TLL1: variants seen among roughly 807,000 people sequenced by gnomAD.
TLL1 encodes the protein tolloid-like protein 1.
TLL1 carries 49 observed loss-of-function variants against 128.2 expected under a neutral mutation model. The ratio of observed to expected loss-of-function variants is 0.38; its 90% CI spans 0.30 to 0.48. The LOEUF is 0.48. Among genes scored for constraint, TLL1 ranks in the 20% least tolerant of loss-of-function variants. TLL1 has a pLI of 0.96. For missense variants in TLL1, 1,123 were observed against 1,242.0 expected (o/e 0.90, Z 1.44); for synonymous variants, 454 against 418.8 (o/e 1.08, Z -1.03).
intron 5 of TLL1, among the ~76,000 whole-genome samples, chr4:165,996,632 A>G (rs1736891799): frequency 1.3e-5 from 2 of 150,098 alleles, no homozygotes; most frequent in Admixed American, 1.3e-4. Flanking sequence ...ACAAACAAAC[A>G]TTATGTAAGT....
chr4:165,929,339 C>T (rs924696293), intron 1 of TLL1, among the ~76,000 whole-genome samples: 1 of 152,110 alleles, frequency 6.6e-6, no homozygotes, highest in Non-Finnish European at 1.5e-5. Flanking sequence ...GAGATCAAGA[C>T]CATCCTGGCC....
intron 1 of TLL1, among the ~76,000 whole-genome samples, chr4:165,960,140 C>T (rs1301479651): frequency 6.6e-6 from 1 of 151,922 alleles, no homozygotes; most frequent in Non-Finnish European, 1.5e-5. Context: ...TTAGAAATGA[C>T]AAAATGATAT....
At chr4:165,995,242 G>T (rs77635855) in intron 5 of TLL1, 64 bp downstream of exon 5, 1 of 1,140,046 alleles carries the variant, frequency 8.8e-7, no homozygotes, top group African/African-American at 1.5e-5. Context: ...ACAATTAAAT[G>T]TCCATAGGTA....
intron 14 of TLL1, among the ~76,000 whole-genome samples, chr4:166,059,492 T>C (rs990567792): frequency 1.1e-4 from 17 of 152,274 alleles, no homozygotes; most frequent in African/African-American, 3.4e-4. Context: ...TTTACCATAA[T>C]TTATCTTGTC....
chr4:165,888,554 AT>A (rs35285663), intron 1 of TLL1, among the ~76,000 whole-genome samples: 2,516 of 146,640 alleles, frequency 0.017, 58 homozygotes, highest in African/African-American at 0.057. Flanking sequence ...ACTGGAAAAT[AT>A]TTTTTTTTTT....
chr4:165,880,242 C>T (rs1350158642), intron 1 of TLL1, among the ~76,000 whole-genome samples: 1 of 152,138 alleles, frequency 6.6e-6, no homozygotes, highest in African/African-American at 2.4e-5. Context: ...TAATGGACTG[C>T]TAGTTTTGTC....
intron 1 of TLL1, among the ~76,000 whole-genome samples, chr4:165,969,945 A>G (rs1340334619): frequency 6.6e-6 from 1 of 152,128 alleles, no homozygotes; most frequent in African/African-American, 2.4e-5. Context: ...GTAACGTTGT[A>G]TGTGTAATTT....
At position 166,003,731 on chromosome 4, in the gene TLL1, T is replaced by C. The variant is rs201228468; in HGVS notation, c.811+162T>C. Among the ~76,000 whole-genome samples the C allele has an allele frequency of 1.2e-4, 18 of 152,262 alleles. No individual in the cohort carries two copies. In the East Asian group the frequency reaches 3.3e-3, roughly 28 times the overall value. ...AAATCACCCATGATGATTTTATATTTTATTTTATTTTTCCTGGAGACTGTG... is the reference window on the plus strand; with the variant it reads ...AAATCACCCATGATGATTTTATATTCTATTTTATTTTTCCTGGAGACTGTG... On this transcript the variant is annotated intron_variant, in intron 6 of 20. Transcript: ENST00000061240.
intron 8 of TLL1, among the ~76,000 whole-genome samples, chr4:166,017,448 A>G (rs1037721133): frequency 6.6e-6 from 1 of 152,078 alleles, no homozygotes; most frequent in Non-Finnish European, 1.5e-5. Context: ...CTTCGGATAT[A>G]TGCTTAGTAA....
intron 6 of TLL1, among the ~76,000 whole-genome samples, chr4:166,005,314 C>T (rs895734788): frequency 1.3e-5 from 2 of 151,658 alleles, no homozygotes; most frequent in African/African-American, 4.8e-5. Flanking sequence ...CAGGATGTAT[C>T]TAAAGATAAA....
chr4:165,901,004 A>T (rs1313360037), intron 1 of TLL1, among the ~76,000 whole-genome samples: 1 of 151,154 alleles, frequency 6.6e-6, no homozygotes, highest in Non-Finnish European at 1.5e-5. Flanking sequence ...AACCTCTGAT[A>T]TTTTTTCTTC....
chr4:166,042,419 ATGATAGT>A (rs1313116131), intron 11 of TLL1, among the ~76,000 whole-genome samples: 2 of 152,190 alleles, frequency 1.3e-5, no homozygotes, highest in African/African-American at 4.8e-5. Context: ...TAATTGTTTC[ATGATAGT>A]TTTAAAACAT....
At chr4:165,920,350 A>G (rs1732991597) in intron 1 of TLL1, among the ~76,000 whole-genome samples, 1 of 152,216 alleles carries the variant, frequency 6.6e-6, no homozygotes, top group African/African-American at 2.4e-5. Flanking sequence ...AATAGTTTTA[A>G]TTTTGCTAGA....
At chr4:165,974,378 G>C (rs1735777955) in intron 1 of TLL1, among the ~76,000 whole-genome samples, 1 of 130,498 alleles carries the variant, frequency 7.7e-6, no homozygotes, top group Non-Finnish European at 1.5e-5. Context: ...CTGACCTCGT[G>C]ATCCGCCCGC....
intron 8 of TLL1, among the ~76,000 whole-genome samples, chr4:166,022,519 T>A (rs1388768606): frequency 6.6e-6 from 1 of 152,144 alleles, no homozygotes; most frequent in Non-Finnish European, 1.5e-5. Flanking sequence ...TACAAATTAT[T>A]GTGTGTCTAC....
intron 1 of TLL1, among the ~76,000 whole-genome samples, chr4:165,898,766 T>C (rs1261802289): frequency 6.6e-6 from 1 of 152,224 alleles, no homozygotes; most frequent in Non-Finnish European, 1.5e-5. Flanking sequence ...GAGGAATCCC[T>C]CCTTTTCTAT....
At chr4:166,068,276 A>G (rs1351962005) in intron 16 of TLL1, among the ~76,000 whole-genome samples, 1 of 151,838 alleles carries the variant, frequency 6.6e-6, no homozygotes, top group Non-Finnish European at 1.5e-5. Context: ...GAGATGGCAG[A>G]AAATAAGAAT....
intron 1 of TLL1, among the ~76,000 whole-genome samples, chr4:165,906,581 C>T (rs1375398708): frequency 1.3e-5 from 2 of 151,948 alleles, no homozygotes; most frequent in Admixed American, 1.3e-4. Context: ...ATACAACCAA[C>T]CAGTTTAGTG....
At chr4:165,961,497 A>T (rs1432089232) in intron 1 of TLL1, among the ~76,000 whole-genome samples, 1 of 152,204 alleles carries the variant, frequency 6.6e-6, no homozygotes, top group African/African-American at 2.4e-5. Context: ...ACCCCAAAAG[A>T]GCCTAAATAG....
Sources: allele counts gnomAD v4.1 joint callset (sites outside exome capture counted in the v4.1 genomes callset), GRCh38; gene constraint gnomAD v4.1.1; transcripts MANE v1.5; gene names NCBI Gene and HGNC (gene_info 2026-07-23, HGNC 2026-07-21).